KERA: variants seen among roughly 807,000 people sequenced by gnomAD.
KERA encodes keratocan.
In KERA, 25 loss-of-function variants were observed where a neutral mutation model predicts 26.4. That is an observed-to-expected ratio of 0.95 (90% CI 0.69 to 1.32). KERA has a LOEUF of 1.32. Ranked by LOEUF, KERA falls within the 40% of genes most tolerant of loss-of-function variation. The probability of loss-of-function intolerance (pLI) is 0.00; values close to 1 mark genes in which losing one functional copy is unlikely to be tolerated. For synonymous variants in KERA, 167 were observed against 146.1 expected (o/e 1.14, Z -1.03); for missense variants, 434 against 408.9 (o/e 1.06, Z -0.53).
At position 91,056,223 on chromosome 12, in the gene KERA, G is replaced by A. The variant is rs765681497; in HGVS notation, c.59C>T (p.Ser20Phe). 1.2e-6 allele frequency: 2 copies of A among 1,609,436 alleles called. No homozygotes were observed. The highest frequency in any genetic ancestry group is 1.7e-6 in the Non-Finnish European group (2 of 1,177,082). The change falls in exon 2 of 3, where the codon TCT (serine) becomes TTT (phenylalanine). Residue 20 changes from serine to phenylalanine, a missense_variant. Physicochemically the swap from Ser to Phe is radical, Grantham distance 155 (BLOSUM62 -2). Transcript: ENST00000266719. ...WVLFITDTVWSRSVRQVYEVH... is the reference protein window; with the variant it reads ...WVLFITDTVWFRSVRQVYEVH... ...TTCATAGACCTGCCTCACACTTCTA[G>A]ACCACACAGTGTCTGTTATGAATAA...
Position 91,055,938 on chromosome 12 carries a change from C to A in KERA, c.344G>T (p.Gly115Val). 1.2e-6 allele frequency: 2 copies of A among 1,611,166 alleles called. No homozygotes were observed. Among genetic ancestry groups the A allele is most frequent in the Non-Finnish European group, 1.7e-6 (2 of 1,178,190 alleles). ...NKITNYGIEKGALSQLKKLLF... is the reference protein window; with the variant it reads ...NKITNYGIEKVALSQLKKLLF... ...CAACTTCTTCAGCTGGCTTAGGGCTCCTTTTTCAATTCCGTAGTTGGTTAT... is the reference window on the plus strand; with the variant it reads ...CAACTTCTTCAGCTGGCTTAGGGCTACTTTTTCAATTCCGTAGTTGGTTAT... Residue 115 changes from glycine to valine, a missense_variant, in exon 2 of 3, where the codon GGA becomes GTA. Transcript: ENST00000266719.
chr12:91,054,042 T>G (rs1037067063), intron 2 of KERA, among the ~76,000 whole-genome samples: 8 of 151,188 alleles, frequency 5.3e-5, no homozygotes, highest in Non-Finnish European at 1.0e-4. Flanking sequence ...TCTCTTAACA[T>G]TTTTTTTCTG....
At chr12:91,057,647 GTTT>G (rs1879049348) in intron 1 of KERA, 94 bp downstream of exon 1, 1 of 149,960 alleles carries the variant, frequency 6.7e-6, no homozygotes, top group African/African-American at 2.4e-5. Flanking sequence ...TCAGAATAGG[GTTT>G]TGGTTTAGTT....
chr12:91,057,037 T>C (rs1239626355), intron 1 of KERA, among the ~76,000 whole-genome samples: 1 of 150,758 alleles, frequency 6.6e-6, no homozygotes, highest in Non-Finnish European at 1.5e-5. Flanking sequence ...TGTATATATA[T>C]GTATATATAG....
At position 91,056,241 on chromosome 12, in the gene KERA, A is replaced by G; in HGVS notation, c.41T>C (p.Ile14Thr). Reference sequence around the variant, plus strand: ...ACTTCTAGACCACACAGTGTCTGTTATGAATAACACCCACATGATGAAACA... The same window carrying G: ...ACTTCTAGACCACACAGTGTCTGTTGTGAATAACACCCACATGATGAAACA... ...TICFIMWVLF[I>T]TDTVWSRSVR... Residue 14 changes from isoleucine (I) to threonine (T), a missense_variant, in exon 2 of 3, where the codon ATA (isoleucine) becomes ACA (threonine). Ile to Thr is a moderately conservative substitution (Grantham distance 89, BLOSUM62 -1). Transcript: ENST00000266719. The G allele has an allele frequency of 3.1e-6, 5 of 1,609,884 alleles. No homozygotes were observed. Among genetic ancestry groups the G allele is most frequent in the Non-Finnish European group, 3.4e-6 (4 of 1,177,488 alleles).
At chr12:91,057,494 T>C (rs1043838454) in intron 1 of KERA, among the ~76,000 whole-genome samples, 1 of 150,956 alleles carries the variant, frequency 6.6e-6, no homozygotes, top group Non-Finnish European at 1.5e-5. Flanking sequence ...ACTTCATTTA[T>C]GAAATGCTGA....
rs780346887 is a variant in KERA at position 91,051,380 on chromosome 12, G to C, written c.1025C>G (p.Thr342Ser). The C allele has an allele frequency of 4.3e-6, 7 of 1,611,276 alleles. No homozygotes were observed. The East Asian group carries it at 1.3e-4, about 31-fold the overall frequency. Residue 342 changes from threonine to serine, a missense_variant, in exon 3 of 3, where the codon ACC becomes AGC. Thr to Ser is a moderately conservative substitution (Grantham distance 58). Transcript: ENST00000266719. ...GACAGCCTGCAGAAGTCTGAAGCAG[G>C]TCATTAAAGCCATTGGAATTGGTGG... The part of the protein sequence containing the change: ...IKPPIPMALM[T>S]CFRLLQAVII
chr12:91,057,928 T>A lies in KERA; in HGVS notation c.-193A>T, dbSNP rs1879058966. ...CCATGAACACCTTTGATCTATTGTT[T>A]CCACTTTGACAGGGCTTCAGAAGAC... On this transcript the variant is annotated 5_prime_UTR_variant, in exon 1 of 3. Transcript: ENST00000266719. 6.6e-6 allele frequency: 1 copy of A among 151,210 alleles called. No individual in the cohort carries two copies. The highest frequency in any genetic ancestry group is 1.5e-5 in the Non-Finnish European group (1 of 67,482). 9.4% of individuals were successfully genotyped at this position (151,210 alleles called of 1,614,324 possible). A position where few individuals can be genotyped will look rare whatever the true frequency, so the allele number is the denominator to read the frequency against.
chr12:91,050,628 G>A lies in KERA; in HGVS notation c.*718C>T, dbSNP rs1878842477. On this transcript the variant is annotated 3_prime_UTR_variant, in exon 3 of 3. Coordinates refer to ENST00000266719, the MANE Select transcript of KERA (RefSeq NM_007035.4). ...ATAAAGAACAATTTGCAGTTTAAGT[G>A]GATTTCAAATGTTAAAACACTAAGA... The A allele has an allele frequency of 6.6e-6, 1 of 151,932 alleles. No homozygotes were observed. The highest frequency in any genetic ancestry group is 1.5e-5 in the Non-Finnish European group (1 of 67,702). 9.4% of individuals were successfully genotyped at this position (151,932 alleles called of 1,614,324 possible).
At position 91,051,205 on chromosome 12, in the gene KERA, T is replaced by C. The variant is rs902573744; in HGVS notation, c.*141A>G. 2 of 711,200 alleles carry C rather than the reference T, an allele frequency of 2.8e-6. No individual in the cohort carries two copies. The highest frequency in any genetic ancestry group is 2.2e-5 in the Admixed American group (1 of 45,438). The allele number at this position is 711,200 out of a possible 1,614,324, so 44.1% of individuals were successfully genotyped here. ...TGTAACTGGCAAAAGCATCTTTGAATAGAAAAAATACACTGCACAAATGAA... is the reference window on the plus strand; with the variant it reads ...TGTAACTGGCAAAAGCATCTTTGAACAGAAAAAATACACTGCACAAATGAA... On this transcript the variant is annotated 3_prime_UTR_variant, in exon 3 of 3. Coordinates refer to ENST00000266719, the MANE Select transcript of KERA (RefSeq NM_007035.4).
At position 91,056,221 on chromosome 12, in the gene KERA, T is replaced by C. The variant is rs762340226; in HGVS notation, c.61A>G (p.Arg21Gly). The change falls in exon 2 of 3, where the codon AGA becomes GGA. Residue 21 changes from arginine to glycine, a missense_variant. Transcript: ENST00000266719. Reference sequence around the variant, plus strand: ...ACTTCATAGACCTGCCTCACACTTCTAGACCACACAGTGTCTGTTATGAAT... The same window carrying C: ...ACTTCATAGACCTGCCTCACACTTCCAGACCACACAGTGTCTGTTATGAAT... ...VLFITDTVWS[R>G]SVRQVYEVHD... The C allele has an allele frequency of 6.2e-7, 1 of 1,609,562 alleles. No individual in the cohort carries two copies. Among genetic ancestry groups the C allele is most frequent in the Non-Finnish European group, 8.5e-7 (1 of 1,177,112 alleles).
Position 91,056,121 on chromosome 12 carries a change from G to C in KERA, c.161C>G (p.Thr54Ser), listed in dbSNP as rs777263244. The C allele has an allele frequency of 1.2e-6, 2 of 1,610,308 alleles. No homozygotes were observed. Among genetic ancestry groups the C allele is most frequent in the Non-Finnish European group, 1.7e-6 (2 of 1,177,864 alleles). ...MECFCPPSFPTALYCENRGLK... is the reference protein window; with the variant it reads ...MECFCPPSFPSALYCENRGLK... ...ACCTCTATTTTCACAATATAAAGCA[G>C]TAGGAAAACTGGGTGGGCAGAAACA... The change falls in exon 2 of 3, where the codon ACT becomes AGT. Residue 54 changes from threonine (T) to serine (S), a missense_variant. Physicochemically the swap from Thr to Ser is moderately conservative, Grantham distance 58. Coordinates refer to ENST00000266719, the MANE Select transcript of KERA (RefSeq NM_007035.4).
intron 2 of KERA, among the ~76,000 whole-genome samples, chr12:91,052,111 T>A (rs992088946): frequency 2.0e-5 from 3 of 151,600 alleles, no homozygotes; most frequent in Admixed American, 2.0e-4. Flanking sequence ...AATCTTCATC[T>A]TCAAATTTAT....
At chr12:91,053,763 A>G (rs1592647172) in intron 2 of KERA, among the ~76,000 whole-genome samples, 1 of 151,430 alleles carries the variant, frequency 6.6e-6, no homozygotes, top group East Asian at 2.0e-4. Context: ...TCCATAAGCT[A>G]AAGTCTTATA....
chr12:91,051,302 A>T lies in KERA; in HGVS notation c.*44T>A. On this transcript the variant is annotated 3_prime_UTR_variant, in exon 3 of 3. Coordinates refer to ENST00000266719, the MANE Select transcript of KERA (RefSeq NM_007035.4). ...ATTAATGGTAACCACATTTCATGTC[A>T]GAAACAGCTCATTAAACTAATTTTA... 6.6e-7 allele frequency: 1 copy of T among 1,516,356 alleles called. No individual in the cohort carries two copies. Among genetic ancestry groups the T allele is most frequent in the Non-Finnish European group, 9.1e-7 (1 of 1,093,068 alleles). The allele number at this position is 1,516,356 out of a possible 1,614,324, so 93.9% of individuals were successfully genotyped here. A position where few individuals can be genotyped will look rare whatever the true frequency, so the allele number is the denominator to read the frequency against.
At chr12:91,056,829 C>A (rs1164471586) in intron 1 of KERA, among the ~76,000 whole-genome samples, 2 of 151,060 alleles carry the variant, frequency 1.3e-5, no homozygotes, top group Non-Finnish European at 3.0e-5. Flanking sequence ...GTTCTAGGAT[C>A]TGAATAAAAA....
intron 2 of KERA, 42 bp downstream of exon 2, chr12:91,055,354 C>T (rs747872760): frequency 1.3e-6 from 2 of 1,533,958 alleles, no homozygotes; most frequent in South Asian, 1.1e-5. Flanking sequence ...ATTTAATGAC[C>T]ATGAGCCCTT....
In KERA at chr12:91,050,767, G is replaced by A. The variant is rs1399258949; in HGVS notation, c.*579C>T. 6.5e-6 allele frequency: 1 copy of A among 153,178 alleles called. No individual in the cohort carries two copies. Among genetic ancestry groups the A allele is most frequent in the African/African-American group, 2.4e-5 (1 of 41,332 alleles). 9.5% of individuals were successfully genotyped at this position (153,178 alleles called of 1,614,324 possible). On this transcript the variant is annotated 3_prime_UTR_variant, in exon 3 of 3. Transcript: ENST00000266719. The stretch of plus-strand genomic sequence containing the variant: ...TGGTAATGAACTAGAAGTGACTGCT[G>A]TTTCATTATTTGATATTAAATAACA...
In KERA at chr12:91,050,542, T is replaced by G. The variant is rs1352952687; in HGVS notation, c.*804A>C. The G allele has an allele frequency of 6.6e-6, 1 of 151,958 alleles. No homozygotes were observed. The highest frequency in any genetic ancestry group is 1.5e-5 in the Non-Finnish European group (1 of 67,726). 9.4% of individuals were successfully genotyped at this position (151,958 alleles called of 1,614,324 possible). A position where few individuals can be genotyped will look rare whatever the true frequency, so the allele number is the denominator to read the frequency against. On this transcript the variant is annotated 3_prime_UTR_variant, in exon 3 of 3. Coordinates refer to ENST00000266719, the MANE Select transcript of KERA (RefSeq NM_007035.4). ...AAGCTTGCTAATTTCTTTGAAATAT[T>G]CTGTTTTGTTAGAAAGCATTCAATA...
Sources: allele counts gnomAD v4.1 joint callset (sites outside exome capture counted in the v4.1 genomes callset), GRCh38; gene constraint gnomAD v4.1.1; transcripts MANE v1.5; gene names NCBI Gene and HGNC (gene_info 2026-07-23, HGNC 2026-07-21).